The following REEP1 variants were observed in gnomAD, a reference collection of about 807,000 sequenced individuals.
The protein encoded by REEP1 is receptor expression-enhancing protein 1.
In REEP1, 22 loss-of-function variants were observed where a neutral mutation model predicts 40.3. The observed-to-expected ratio is 0.55, with a 90% CI of 0.39 to 0.78. REEP1 has a LOEUF of 0.78. Ranked by LOEUF, REEP1 falls within the 30% of genes least tolerant of loss-of-function variation. REEP1 has a pLI of 0.00. For synonymous variants in REEP1, 116 were observed against 139.2 expected (o/e 0.83, Z 1.17); for missense variants, 280 against 361.1 (o/e 0.78, Z 1.82).
rs531181606 is a variant in REEP1 at position 86,329,356 on chromosome 2, C to T, written c.32+8123G>A. On this transcript the variant is annotated intron_variant, in intron 1 of 8. Transcript: ENST00000538924. ...TCCAGGCTTGAGGGTGGGGCCTTTG[C>T]CAGGGAACTGCCCTCTTCTATCCAG... Among the ~76,000 whole-genome samples the T allele has an allele frequency of 9.7e-4, 148 of 152,250 alleles. 1 individual carries two copies. Among genetic ancestry groups the T allele is most frequent in the Non-Finnish European group, 1.1e-3 (75 of 68,022 alleles).
At chr2:86,316,921 C>T (rs1188284924) in intron 1 of REEP1, among the ~76,000 whole-genome samples, 1 of 152,000 alleles carries the variant, frequency 6.6e-6, no homozygotes, top group Admixed American at 6.6e-5. Context: ...GACAAGATAC[C>T]CTGACTTACT....
intron 5 of REEP1, among the ~76,000 whole-genome samples, chr2:86,242,804 T>C: frequency 6.6e-6 from 1 of 151,134 alleles, no homozygotes. Flanking sequence ...ACTGCAAGAG[T>C]CCAAGCTAGA....
intron 1 of REEP1, among the ~76,000 whole-genome samples, chr2:86,328,153 G>A (rs1406160313): frequency 3.3e-5 from 5 of 152,044 alleles, no homozygotes; most frequent in African/African-American, 1.2e-4. Flanking sequence ...CTCAGCTTCA[G>A]GTGCTCATGA....
chr2:86,285,027 C>T (rs1678314495), intron 1 of REEP1, among the ~76,000 whole-genome samples: 1 of 152,222 alleles, frequency 6.6e-6, no homozygotes, highest in African/African-American at 2.4e-5. Flanking sequence ...ATGAAGGAAG[C>T]AGGCTCAAGC....
chr2:86,303,212 G>GTTTTTT (rs35002382), intron 1 of REEP1, among the ~76,000 whole-genome samples: 1 of 69,010 alleles, frequency 1.4e-5, no homozygotes, highest in Non-Finnish European at 2.6e-5. Flanking sequence ...CCGGCTAATT[G>GTTTTTT]TTTTTTTTTT....
chr2:86,309,622 G>C (rs1306136365), intron 1 of REEP1, among the ~76,000 whole-genome samples: 3 of 152,290 alleles, frequency 2.0e-5, no homozygotes, highest in Non-Finnish European at 4.4e-5. Flanking sequence ...TGCCAGCATG[G>C]TCAGGTTCTG....
chr2:86,269,077 G>A (rs993861300), intron 2 of REEP1, among the ~76,000 whole-genome samples: 9 of 152,254 alleles, frequency 5.9e-5, no homozygotes, highest in African/African-American at 2.2e-4. Context: ...TCGGGCTTTG[G>A]CACTGAGTTT....
chr2:86,244,027 A>G (rs1258141732), intron 5 of REEP1, among the ~76,000 whole-genome samples: 1 of 152,206 alleles, frequency 6.6e-6, no homozygotes, highest in African/African-American at 2.4e-5. Flanking sequence ...CCTTGGAAAT[A>G]TCTCCTAAGT....
At chr2:86,277,620 C>T (rs908583290) in intron 2 of REEP1, among the ~76,000 whole-genome samples, 1 of 151,534 alleles carries the variant, frequency 6.6e-6, no homozygotes, top group African/African-American at 2.4e-5. Context: ...CTGCCAAGAC[C>T]TCAGATTCCT....
chr2:86,251,909 A>G (rs1676297042), intron 5 of REEP1, 48 bp downstream of exon 5: 1 of 1,294,340 alleles, frequency 7.7e-7, no homozygotes, highest in East Asian at 2.3e-5. Context: ...AGCAGGGCAC[A>G]CTAGAGGGAC....
chr2:86,232,483 C>T lies in REEP1; in HGVS notation c.595+142G>A, dbSNP rs539533539. 2.2e-4 allele frequency: 230 copies of T among 1,048,088 alleles called. 1 individual carries two copies. Among genetic ancestry groups the T allele is most frequent in the South Asian group, 2.0e-3 (144 of 73,760 alleles). The allele number at this position is 1,048,088 out of a possible 1,614,324, so 64.9% of individuals were successfully genotyped here. A position where few individuals can be genotyped will look rare whatever the true frequency, so the allele number is the denominator to read the frequency against. ...GAGGGGTGCTCCGCCCCTTGGCTGA[C>T]CTGGCATGATCTGATGGACACCCCG... On this transcript the variant is annotated intron_variant, in intron 6 of 8. Transcript: ENST00000538924.
intron 5 of REEP1, among the ~76,000 whole-genome samples, chr2:86,249,763 T>C (rs1250587065): frequency 2.0e-5 from 3 of 150,590 alleles, no homozygotes; most frequent in South Asian, 2.1e-4. Context: ...CTCAGCTAGA[T>C]TGGATTTTTG....
At chr2:86,333,469 A>G (rs900937824) in intron 1 of REEP1, among the ~76,000 whole-genome samples, 9 of 152,236 alleles carry the variant, frequency 5.9e-5, no homozygotes, top group Non-Finnish European at 7.3e-5. Flanking sequence ...TTTTCTGCAC[A>G]GCCATTAGTT....
intron 1 of REEP1, among the ~76,000 whole-genome samples, chr2:86,317,078 T>C (rs1338613110): frequency 2.0e-5 from 3 of 152,188 alleles, no homozygotes; most frequent in African/African-American, 7.2e-5. Flanking sequence ...TCCTCATCAA[T>C]GTGGTGGTGT....
intron 4 of REEP1, among the ~76,000 whole-genome samples, chr2:86,254,170 T>TA (rs953732602): frequency 1.3e-5 from 2 of 152,184 alleles, no homozygotes; most frequent in African/African-American, 4.8e-5. Flanking sequence ...ATCATTTTTT[T>TA]AAAAAAATTC....
At chr2:86,294,924 A>G (rs1429700347) in intron 1 of REEP1, among the ~76,000 whole-genome samples, 2 of 152,174 alleles carry the variant, frequency 1.3e-5, no homozygotes, top group Non-Finnish European at 2.9e-5. Flanking sequence ...CCTCACTAGA[A>G]GGGGAGGGTG....
Position 86,254,750 on chromosome 2 carries a change from C to T in REEP1, c.247G>A (p.Gly83Ser). ...VAWLLSPYTK[G>S]SSLLYRKFVH... ...AACTTCCTGTACAGGAGGCTGGAGC[C>T]TTTTGTGTAGGGAGACAGCAGCCAG... Residue 83 changes from glycine to serine, a missense_variant, in exon 4 of 9, where the codon GGC (glycine) becomes AGC (serine). Coordinates refer to ENST00000538924, the MANE Select transcript of REEP1 (RefSeq NM_001371279.1). 6.2e-7 allele frequency: 1 copy of T among 1,613,936 alleles called. No individual in the cohort carries two copies. The highest frequency in any genetic ancestry group is 8.5e-7 in the Non-Finnish European group (1 of 1,179,856).
At chr2:86,237,421 G>A (rs1405925952) in intron 5 of REEP1, among the ~76,000 whole-genome samples, 1 of 152,164 alleles carries the variant, frequency 6.6e-6, no homozygotes, top group Non-Finnish European at 1.5e-5. Flanking sequence ...AAGTGATTCG[G>A]GAGACTCTGA....
chr2:86,216,912 A>C lies in REEP1; in HGVS notation c.*127T>G. Reference sequence around the variant, plus strand: ...CTTAAAAGTGGAAGGGGAGAGAGAAAAGGCCATGTTTGTGAGGCTGCACAC... The same window carrying C: ...CTTAAAAGTGGAAGGGGAGAGAGAACAGGCCATGTTTGTGAGGCTGCACAC... On this transcript the variant is annotated 3_prime_UTR_variant, in exon 9 of 9. Coordinates refer to ENST00000538924, the MANE Select transcript of REEP1 (RefSeq NM_001371279.1). 1.4e-6 allele frequency: 1 copy of C among 737,594 alleles called. No homozygotes were observed. 45.7% of individuals were successfully genotyped at this position (737,594 alleles called of 1,614,324 possible).
Sources: gnomAD v4.1 joint callset for allele counts (sites outside exome capture counted in the v4.1 genomes callset) on GRCh38, gnomAD v4.1.1 for gene constraint, MANE v1.5 for transcripts, NCBI Gene and HGNC (gene_info 2026-07-23, HGNC 2026-07-21) for gene names.